INSR: variants seen among roughly 807,000 people sequenced by gnomAD.
INSR encodes insulin receptor.
In INSR, 67 loss-of-function variants were observed where a neutral mutation model predicts 142.6. The ratio of observed to expected loss-of-function variants is 0.47; its 90% CI spans 0.39 to 0.58. The LOEUF (loss-of-function observed/expected upper bound fraction) is 0.58, where lower values mean the gene tolerates loss of function less well. Among genes scored for constraint, INSR ranks in the 20% least tolerant of loss-of-function variants. The pLI is 0.00. For missense variants in INSR, 1,248 were observed against 1,833.2 expected, an observed-to-expected ratio of 0.68 and a Z score of 5.83; for synonymous variants, 756 against 743.1, an observed-to-expected ratio of 1.02 and a Z score of -0.28.
chr19:7,278,034 C>A (rs1258632560), intron 1 of INSR, among the ~76,000 whole-genome samples: 1 of 151,902 alleles, frequency 6.6e-6, no homozygotes, highest in Non-Finnish European at 1.5e-5. Flanking sequence ...GCAGAGGTTG[C>A]ATTGAGCCAA....
intron 4 of INSR, 33 bp downstream of exon 4, chr19:7,174,550 A>T: frequency 6.2e-7 from 1 of 1,612,154 alleles, no homozygotes; most frequent in Admixed American, 1.7e-5. Flanking sequence ...GGAGCCCAAC[A>T]GGCACCCCCG....
At chr19:7,201,390 C>T (rs1219764947) in intron 2 of INSR, among the ~76,000 whole-genome samples, 2 of 151,850 alleles carry the variant, frequency 1.3e-5, no homozygotes, top group Non-Finnish European at 2.9e-5. Context: ...TTTGGGAGGC[C>T]GAGGCGGGTG....
chr19:7,254,730 G>A (rs11878933), intron 2 of INSR, among the ~76,000 whole-genome samples: 3,846 of 152,262 alleles, frequency 0.025, 83 homozygotes, highest in Non-Finnish European at 0.041. Flanking sequence ...ACGCACAGGC[G>A]CTCGCTGACT....
chr19:7,238,080 G>A (rs1976219381), intron 2 of INSR, among the ~76,000 whole-genome samples: 1 of 152,106 alleles, frequency 6.6e-6, no homozygotes, highest in South Asian at 2.1e-4. Context: ...TCCTAGAACA[G>A]ACTTGACCTG....
Position 7,225,338 on chromosome 19 carries a change from C to T in INSR, c.653-40701G>A, listed in dbSNP as rs1458723641. 1.3e-5 allele frequency among the ~76,000 whole-genome samples: 2 copies of T among 152,052 alleles called. No homozygotes were observed. Among genetic ancestry groups the T allele is most frequent in the Admixed American group, 6.6e-5 (1 of 15,246 alleles). ...GAGAAACGCTAATGTTCCCCTTCCC[C>T]GACACTTTCTCCAGATCAGCTTAGG... On this transcript the variant is annotated intron_variant, in intron 2 of 21. Coordinates refer to ENST00000302850, the MANE Select transcript of INSR (RefSeq NM_000208.4). The surrounding 1 kb of genome is among the most constrained non-coding windows in gnomAD (Gnocchi z 4.7).
At chr19:7,254,024 A>G (rs1267715272) in intron 2 of INSR, among the ~76,000 whole-genome samples, 3 of 146,458 alleles carry the variant, frequency 2.0e-5, no homozygotes, top group African/African-American at 7.7e-5. Flanking sequence ...GCGAAACTCC[A>G]TCTCAAAAAA....
chr19:7,191,773 G>A (rs1974594699), intron 2 of INSR, among the ~76,000 whole-genome samples: 1 of 151,966 alleles, frequency 6.6e-6, no homozygotes, highest in South Asian at 2.1e-4. Flanking sequence ...AGGCTGCAGT[G>A]AGCTGTGACT....
chr19:7,161,260 A>T (rs1388531452), intron 9 of INSR, among the ~76,000 whole-genome samples: 2 of 150,464 alleles, frequency 1.3e-5, no homozygotes, highest in South Asian at 2.1e-4. Flanking sequence ...ATTTTGTATA[A>T]TTTTTTTTAT....
intron 17 of INSR, among the ~76,000 whole-genome samples, chr19:7,124,624 T>A (rs1599873388): frequency 3.1e-5 from 2 of 64,888 alleles, no homozygotes; most frequent in African/African-American, 1.4e-4. Flanking sequence ...TATATATATA[T>A]ATATATATAT....
At chr19:7,186,656 C>T (rs1430558282) in intron 2 of INSR, among the ~76,000 whole-genome samples, 1 of 152,120 alleles carries the variant, frequency 6.6e-6, no homozygotes, top group Non-Finnish European at 1.5e-5. Context: ...ACTCATCCTC[C>T]TCCCCAACTC....
intron 9 of INSR, among the ~76,000 whole-genome samples, chr19:7,158,970 T>G (rs1973682626): frequency 6.6e-6 from 1 of 152,170 alleles, no homozygotes; most frequent in Admixed American, 6.6e-5. Flanking sequence ...TGGCGTGATC[T>G]CGGCTCACTG....
chr19:7,231,757 C>A (rs112222977), intron 2 of INSR, among the ~76,000 whole-genome samples: 9,569 of 146,108 alleles, frequency 0.065, 384 homozygotes, highest in Non-Finnish European at 0.087. Context: ...TGCCAACATA[C>A]CTTAAACTTT....
intron 9 of INSR, among the ~76,000 whole-genome samples, chr19:7,153,145 CCACACAA>C (rs1973450764): frequency 1.3e-4 from 1 of 7,562 alleles, no homozygotes; most frequent in African/African-American, 2.5e-4. Context: ...ACCACACACA[CCACACAA>C]CACACCACAC....
intron 2 of INSR, among the ~76,000 whole-genome samples, chr19:7,193,512 T>TA (rs1974656555): frequency 6.7e-6 from 1 of 148,600 alleles, no homozygotes. Flanking sequence ...CTCCATCTCA[T>TA]AAAAAAACAA....
At chr19:7,284,807 A>G (rs1362368947) in intron 1 of INSR, among the ~76,000 whole-genome samples, 1 of 152,150 alleles carries the variant, frequency 6.6e-6, no homozygotes, top group East Asian at 1.9e-4. Context: ...GGCATGAGCC[A>G]CTGCGCCTGC....
At chr19:7,241,821 A>G (rs2145151542) in intron 2 of INSR, among the ~76,000 whole-genome samples, 1 of 150,836 alleles carries the variant, frequency 6.6e-6, no homozygotes, top group South Asian at 2.1e-4. Context: ...CCAGAATGCT[A>G]ACACTGTTGA....
At chr19:7,169,473 G>A (rs1291146518) in intron 6 of INSR, among the ~76,000 whole-genome samples, 1 of 151,650 alleles carries the variant, frequency 6.6e-6, no homozygotes, top group African/African-American at 2.4e-5. Flanking sequence ...CTATTCTGGA[G>A]GCTGAGGCGA....
intron 2 of INSR, among the ~76,000 whole-genome samples, chr19:7,227,867 T>C (rs568940759): frequency 4.6e-5 from 7 of 152,254 alleles, no homozygotes; most frequent in Non-Finnish European, 7.4e-5. Context: ...CATTGTGTCC[T>C]AAAAGGTGTT....
chr19:7,126,352 A>C (rs953776297), intron 16 of INSR, among the ~76,000 whole-genome samples: 8 of 152,248 alleles, frequency 5.3e-5, no homozygotes, highest in Admixed American at 3.9e-4. Flanking sequence ...ACCCTGCCCA[A>C]GGGTCCCAGA....
Sources: gnomAD v4.1 joint callset for allele counts (sites outside exome capture counted in the v4.1 genomes callset) on GRCh38, gnomAD v4.1.1 for gene constraint, Gnocchi (gnomAD v3.1) non-coding constraint, MANE v1.5 for transcripts, NCBI Gene and HGNC (gene_info 2026-07-23, HGNC 2026-07-21) for gene names.